SLC6A11: variants seen among roughly 807,000 people sequenced by gnomAD.
The protein encoded by SLC6A11 is sodium- and chloride-dependent GABA transporter 3.
A neutral mutation model predicts 74.8 loss-of-function variants in SLC6A11; 25 were observed. The ratio of observed to expected loss-of-function variants is 0.33; its 90% CI spans 0.24 to 0.47. SLC6A11 has a LOEUF of 0.47. SLC6A11 is among the 20% of genes least tolerant of loss of function. SLC6A11 has a pLI of 1.00. For missense variants in SLC6A11, 574 were observed against 837.0 expected, an observed-to-expected ratio of 0.69 and a Z score of 3.88; for synonymous variants, 330 against 330.2, an observed-to-expected ratio of 1.00 and a Z score of 0.01.
At position 10,882,919 on chromosome 3, in the gene SLC6A11, C is replaced by T. The variant is rs141370459; in HGVS notation, c.891+7824C>T. On this transcript the variant is annotated intron_variant, in intron 6 of 13. Coordinates refer to ENST00000254488, the MANE Select transcript of SLC6A11 (RefSeq NM_014229.3). ...GCACATGAGGCCCAGAGCACCTCCA[C>T]GTTTCCCTTCTGGCACCCAGCCTAG... 1.7e-3 allele frequency among the ~76,000 whole-genome samples: 258 copies of T among 152,288 alleles called. 1 individual carries two copies. The highest frequency in any genetic ancestry group is 6.1e-3 in the African/African-American group (252 of 41,574).
rs1023182784 is a variant in SLC6A11, at chr3:10,816,629, G to A, written c.256+108G>A. On this transcript the variant is annotated intron_variant, in intron 1 of 13. Coordinates refer to ENST00000254488, the MANE Select transcript of SLC6A11 (RefSeq NM_014229.3). This position sits in a 1 kb window ranked among gnomAD's most constrained non-coding sequence, Gnocchi z 4.2. ...CCCGCGCCTGCGTGGAGCGGAACCC[G>A]AGCGGAGAACCTCGACTCCAGGCAC... 3 of 1,217,660 alleles carry A rather than the reference G, an allele frequency of 2.5e-6. No homozygotes were observed. The highest frequency in any genetic ancestry group is 1.6e-5 in the African/African-American group (1 of 62,486). The allele number at this position is 1,217,660 out of a possible 1,614,324, so 75.4% of individuals were successfully genotyped here. A position where few individuals can be genotyped will look rare whatever the true frequency, so the allele number is the denominator to read the frequency against.
intron 10 of SLC6A11, among the ~76,000 whole-genome samples, chr3:10,932,160 C>T (rs1483319657): frequency 2.6e-5 from 4 of 152,134 alleles, no homozygotes; most frequent in Admixed American, 2.6e-4. Context: ...TGTCCTCTCT[C>T]CTCCCCTCCC....
At chr3:10,821,179 G>C (rs940345182) in intron 3 of SLC6A11, among the ~76,000 whole-genome samples, 13 of 152,164 alleles carry the variant, frequency 8.5e-5, no homozygotes, top group African/African-American at 2.9e-4. Context: ...TTTCTTGGAG[G>C]CCTGTGAGTC....
chr3:10,834,085 A>G (rs1187913863), intron 4 of SLC6A11, among the ~76,000 whole-genome samples: 1 of 152,230 alleles, frequency 6.6e-6, no homozygotes, highest in Non-Finnish European at 1.5e-5. Flanking sequence ...ATGATGTGGT[A>G]TCAGTATATG....
chr3:10,840,140 G>A (rs1433433412), intron 4 of SLC6A11, among the ~76,000 whole-genome samples: 2 of 152,054 alleles, frequency 1.3e-5, no homozygotes, highest in East Asian at 1.9e-4. Flanking sequence ...AAGCAGCCAC[G>A]GCCCCTCAGC....
At chr3:10,881,448 G>A (rs987117388) in intron 6 of SLC6A11, among the ~76,000 whole-genome samples, 2 of 152,154 alleles carry the variant, frequency 1.3e-5, no homozygotes, top group African/African-American at 4.8e-5. Context: ...TAGAGTGGCT[G>A]CATTTATACC....
intron 1 of SLC6A11, 83 bp from the exon 2 acceptor site, chr3:10,819,382 T>G: frequency 7.5e-7 from 1 of 1,334,674 alleles, no homozygotes; most frequent in Non-Finnish European, 1.0e-6. Context: ...GTCTGGCCTG[T>G]AGTAGATGTT....
At chr3:10,927,301 G>A (rs563283867) in intron 9 of SLC6A11, among the ~76,000 whole-genome samples, 11 of 152,290 alleles carry the variant, frequency 7.2e-5, no homozygotes, top group South Asian at 2.1e-4. Flanking sequence ...CTGGGGCCCC[G>A]GCTCGGCGAG....
chr3:10,875,090 C>T lies in SLC6A11; in HGVS notation c.886C>T (p.Pro296Ser), dbSNP rs1356919073. The T allele has an allele frequency of 6.2e-7, 1 of 1,606,816 alleles. No homozygotes were observed. The highest frequency in any genetic ancestry group is 1.3e-5 in the African/African-American group (1 of 74,784). Reference protein sequence around the residue: ...LYPDLSRLSDPQVWVDAGTQI... With the variant: ...LYPDLSRLSDSQVWVDAGTQI... ...CCCTGACCTCTCCCGGCTCTCCGAC[C>T]CCCAGGTAAGAGTCGCTTGCTCAAT... The change falls in exon 6 of 14, where the codon CCC becomes TCC. Residue 296 changes from proline to serine, a missense_variant. Transcript: ENST00000254488.
intron 4 of SLC6A11, among the ~76,000 whole-genome samples, chr3:10,834,660 CTT>C (rs1329656911): frequency 6.6e-6 from 1 of 152,180 alleles, no homozygotes; most frequent in Non-Finnish European, 1.5e-5. Flanking sequence ...GCTTTGCGCT[CTT>C]CTCACTAAGG....
At chr3:10,935,305 C>T in intron 13 of SLC6A11, 106 bp downstream of exon 13, 7 of 1,009,518 alleles carry the variant, frequency 6.9e-6, no homozygotes, top group Non-Finnish European at 1.0e-5. Context: ...CCACCTGCCT[C>T]AAGGGGACGC....
At chr3:10,866,748 GT>G (rs1694767846) in intron 5 of SLC6A11, among the ~76,000 whole-genome samples, 1 of 152,270 alleles carries the variant, frequency 6.6e-6, no homozygotes, top group Non-Finnish European at 1.5e-5. Flanking sequence ...TTAGAATTTG[GT>G]TGCTTAAAAC....
intron 6 of SLC6A11, among the ~76,000 whole-genome samples, chr3:10,906,254 GA>G (rs893809126): frequency 6.6e-6 from 1 of 150,988 alleles, no homozygotes; most frequent in Non-Finnish European, 1.5e-5. Context: ...GGTGGCAACA[GA>G]AAAAAAAATT....
chr3:10,843,796 C>G lies in SLC6A11; in HGVS notation c.624-418C>G, dbSNP rs575150609. Among the ~76,000 whole-genome samples, 11 of 152,284 alleles carry G rather than the reference C, an allele frequency of 7.2e-5. No homozygotes were observed. The South Asian group carries it at 2.3e-3, about 32-fold the overall frequency. On this transcript the variant is annotated intron_variant, in intron 4 of 13. Transcript: ENST00000254488. ...CTGGAAGCTTCTATCTGAAATGACACCTGTTGGCCAAACAATGTTCAAAGC... is the reference window on the plus strand; with the variant it reads ...CTGGAAGCTTCTATCTGAAATGACAGCTGTTGGCCAAACAATGTTCAAAGC...
intron 7 of SLC6A11, among the ~76,000 whole-genome samples, chr3:10,912,586 T>C (rs1265592223): frequency 6.6e-6 from 1 of 152,254 alleles, no homozygotes; most frequent in Non-Finnish European, 1.5e-5. Flanking sequence ...TACTTGACTG[T>C]AGGGTCATCT....
chr3:10,836,480 G>A (rs1473961022), intron 4 of SLC6A11, among the ~76,000 whole-genome samples: 1 of 152,150 alleles, frequency 6.6e-6, no homozygotes, highest in East Asian at 1.9e-4. Context: ...AATATACGAG[G>A]GTTCCATTTC....
intron 6 of SLC6A11, among the ~76,000 whole-genome samples, chr3:10,886,451 CT>C (rs1695043856): frequency 6.6e-6 from 1 of 152,200 alleles, no homozygotes; most frequent in Admixed American, 6.5e-5. Flanking sequence ...CTGTGGCTGG[CT>C]CCCTGTCATC....
intron 8 of SLC6A11, among the ~76,000 whole-genome samples, chr3:10,921,405 T>C (rs1193604811): frequency 1.3e-5 from 2 of 152,204 alleles, no homozygotes; most frequent in African/African-American, 2.4e-5. Context: ...CAAAGTGATA[T>C]GTTATTAACT....
intron 6 of SLC6A11, among the ~76,000 whole-genome samples, chr3:10,903,380 TA>T (rs1450599841): frequency 6.6e-6 from 1 of 152,238 alleles, no homozygotes; most frequent in Admixed American, 6.5e-5. Flanking sequence ...CCCTGGCCCC[TA>T]CTGCCACTGA....
Sources: gnomAD v4.1 joint callset for allele counts (sites outside exome capture counted in the v4.1 genomes callset) on GRCh38, gnomAD v4.1.1 for gene constraint, Gnocchi (gnomAD v3.1) non-coding constraint, MANE v1.5 for transcripts, NCBI Gene and HGNC (gene_info 2026-07-23, HGNC 2026-07-21) for gene names.